The following WDFY3 variants were observed in gnomAD, a reference collection of about 807,000 sequenced individuals.
The protein encoded by WDFY3 is WD repeat and FYVE domain-containing protein 3.
A neutral mutation model predicts 409.6 loss-of-function variants in WDFY3; 66 were observed. The observed-to-expected ratio is 0.16, with a 90% CI of 0.13 to 0.20. The LOEUF (loss-of-function observed/expected upper bound fraction) is 0.20. WDFY3 is among the 10% of genes least tolerant of loss of function. The pLI is 1.00. For synonymous variants in WDFY3, 1,521 were observed against 1,537.1 expected (o/e 0.99, Z 0.25); for missense variants, 3,031 against 4,298.1 (o/e 0.71, Z 8.24).
At chr4:84,860,103 C>T (rs938918066) in intron 4 of WDFY3, among the ~76,000 whole-genome samples, 1 of 152,146 alleles carries the variant, frequency 6.6e-6, no homozygotes, top group Non-Finnish European at 1.5e-5. Flanking sequence ...AGAAATAACA[C>T]AATTGATAAT....
chr4:84,809,659 C>G, intron 14 of WDFY3: 1 of 422,478 alleles, frequency 2.4e-6, no homozygotes, highest in Non-Finnish European at 4.2e-6. Context: ...GCAATGAGAA[C>G]TAATTGAACC....
intron 52 of WDFY3, 59 bp downstream of exon 52, chr4:84,709,234 G>GT (rs1732494473): frequency 6.6e-7 from 1 of 1,503,764 alleles, no homozygotes; most frequent in African/African-American, 1.4e-5. Context: ...GCTTTTAACT[G>GT]TATGACTTCT....
intron 33 of WDFY3, 85 bp from the exon 34 acceptor site, chr4:84,755,485 T>C (rs1741279984): frequency 4.8e-6 from 7 of 1,467,814 alleles, no homozygotes; most frequent in African/African-American, 1.4e-5. Context: ...TAAAATTTCT[T>C]TGAAACTAGT....
At chr4:84,860,824 A>C (rs987878956) in intron 3 of WDFY3, among the ~76,000 whole-genome samples, 3 of 152,250 alleles carry the variant, frequency 2.0e-5, no homozygotes, top group African/African-American at 4.8e-5. Context: ...CAGCATTGGA[A>C]GTTCTTACTC....
In WDFY3 at chr4:84,671,116, G is replaced by A. The variant is rs1725380092; in HGVS notation, c.*1752C>T. 1.3e-5 allele frequency: 2 copies of A among 152,550 alleles called. No homozygotes were observed. The highest frequency in any genetic ancestry group is 2.9e-5 in the Non-Finnish European group (2 of 68,008). 9.4% of individuals were successfully genotyped at this position (152,550 alleles called of 1,614,324 possible). On this transcript the variant is annotated 3_prime_UTR_variant, in exon 68 of 68. Coordinates refer to ENST00000295888, the MANE Select transcript of WDFY3 (RefSeq NM_014991.6). ...AGCAGCCTTTCTATTTTCTCTTGGA[G>A]ACCTAGTTATCATATCAGGAAGAAC... is the stretch of plus-strand genomic sequence containing the variant.
chr4:84,921,472 C>A (rs968888190), intron 2 of WDFY3, among the ~76,000 whole-genome samples: 5 of 151,846 alleles, frequency 3.3e-5, no homozygotes, highest in Non-Finnish European at 7.4e-5. Context: ...AATTAACTAA[C>A]CCTCTCTCAA....
intron 17 of WDFY3, 69 bp downstream of exon 17, chr4:84,801,581 T>C (rs1750568980): frequency 6.8e-7 from 1 of 1,478,638 alleles, no homozygotes; most frequent in Non-Finnish European, 9.0e-7. Context: ...GCAGGAATTC[T>C]GGAATCATAA....
At chr4:84,731,934 T>C (rs78124631) in intron 44 of WDFY3, among the ~76,000 whole-genome samples, 145 of 152,326 alleles carry the variant, frequency 9.5e-4, no homozygotes, top group African/African-American at 3.3e-3. Context: ...AGTGACTCAA[T>C]AAGAAATATT....
chr4:84,821,942 A>T (rs559816978), intron 10 of WDFY3, among the ~76,000 whole-genome samples: 19 of 152,296 alleles, frequency 1.2e-4, no homozygotes, highest in Non-Finnish European at 1.9e-4. Context: ...AGGCTGAAGA[A>T]GTTACAGGCC....
Position 84,875,741 on chromosome 4 carries a change from A to G in WDFY3, c.-31-15119T>C, listed in dbSNP as rs146778546. Among the ~76,000 whole-genome samples the G allele has an allele frequency of 6.6e-3, 998 of 152,298 alleles. 11 individuals carry two copies. The highest frequency in any genetic ancestry group is 0.022 in the African/African-American group (930 of 41,562). On this transcript the variant is annotated intron_variant, in intron 3 of 67. Coordinates refer to ENST00000295888, the MANE Select transcript of WDFY3 (RefSeq NM_014991.6). ...AAGTTTTAAAACATTTTTGTTAAAAAAGACACCAACACACATATTAGCCAA... is the reference window on the plus strand; with the variant it reads ...AAGTTTTAAAACATTTTTGTTAAAAGAGACACCAACACACATATTAGCCAA...
intron 36 of WDFY3, among the ~76,000 whole-genome samples, chr4:84,749,956 A>T (rs916935245): frequency 2.6e-5 from 4 of 152,220 alleles, no homozygotes; most frequent in African/African-American, 9.6e-5. Context: ...ATAAAGGGCA[A>T]TTATACAATT....
At chr4:84,829,416 A>T (rs550255217) in intron 8 of WDFY3, among the ~76,000 whole-genome samples, 1 of 152,336 alleles carries the variant, frequency 6.6e-6, no homozygotes, top group East Asian at 1.9e-4. Flanking sequence ...GTTGAAAAAT[A>T]GTTGACATGT....
At position 84,715,292 on chromosome 4, in the gene WDFY3, C is replaced by T. The variant is rs760793136; in HGVS notation, c.7961+6G>A. The T allele has an allele frequency of 8.3e-6, 13 of 1,561,610 alleles. No individual in the cohort carries two copies. In the East Asian group the frequency reaches 2.7e-4, roughly 32 times the overall value. On this transcript the variant is annotated splice_donor_region_variant and intron_variant, in intron 50 of 67. Coordinates refer to ENST00000295888, the MANE Select transcript of WDFY3 (RefSeq NM_014991.6). ...TAGTATACAAAGTGTTCCGAATAAA[C>T]AAGACCTTTGATAGACTTTGTTTCT...
intron 10 of WDFY3, among the ~76,000 whole-genome samples, chr4:84,826,331 G>A (rs528176630): frequency 6.6e-5 from 10 of 152,262 alleles, no homozygotes; most frequent in South Asian, 2.1e-4. Flanking sequence ...ATGGGAAGAC[G>A]TGTAGGTTAT....
rs1179427151 is a variant in WDFY3, at chr4:84,766,385, T to C, written c.4850-13A>G. On this transcript the variant is annotated splice_polypyrimidine_tract_variant and intron_variant, in intron 30 of 67. Transcript: ENST00000295888. ...TCCTCTTCAGTTCCTAAAATAAAAA[T>C]AAATACATTAAATCTCCCTAGTAGA... is the stretch of plus-strand genomic sequence containing the variant. 1.3e-6 allele frequency: 2 copies of C among 1,575,164 alleles called. No homozygotes were observed. The highest frequency in any genetic ancestry group is 2.1e-5 in the Admixed American group (1 of 48,162).
intron 56 of WDFY3, among the ~76,000 whole-genome samples, chr4:84,698,295 T>A (rs1261094586): frequency 1.3e-5 from 2 of 150,586 alleles, no homozygotes; most frequent in East Asian, 3.9e-4. Flanking sequence ...TATATATTTT[T>A]TTTTTTTGAG....
At chr4:84,897,756 G>T (rs1316028160) in intron 2 of WDFY3, among the ~76,000 whole-genome samples, 1 of 152,170 alleles carries the variant, frequency 6.6e-6, no homozygotes, top group East Asian at 1.9e-4. Context: ...GACTCAATAG[G>T]TATTCACCTC....
intron 1 of WDFY3, among the ~76,000 whole-genome samples, chr4:84,941,431 T>C (rs1158394245): frequency 6.6e-6 from 1 of 152,020 alleles, no homozygotes; most frequent in Admixed American, 6.5e-5. Context: ...GGAGTAATTC[T>C]AACAAACTGT....
At chr4:84,737,106 T>C (rs1318134824) in intron 41 of WDFY3, 78 bp downstream of exon 41, 4 of 1,467,550 alleles carry the variant, frequency 2.7e-6, no homozygotes, top group Admixed American at 1.8e-5. Flanking sequence ...GTGAATGCTG[T>C]AGTCACATAT....
Sources: allele counts gnomAD v4.1 joint callset (sites outside exome capture counted in the v4.1 genomes callset), GRCh38; gene constraint gnomAD v4.1.1; transcripts MANE v1.5; gene names NCBI Gene and HGNC (gene_info 2026-07-23, HGNC 2026-07-21).